Variants in PHF20 observed in about 807,000 individuals in gnomAD.
PHF20 encodes the protein glioma-expressed antigen 2.
A neutral mutation model predicts 113.5 loss-of-function variants in PHF20; 23 were observed. The observed-to-expected ratio is 0.20, with a 90% CI of 0.15 to 0.29. The LOEUF is 0.29. Among genes scored for constraint, PHF20 ranks in the 10% least tolerant of loss-of-function variants. The pLI is 1.00. For missense variants in PHF20, 943 were observed against 1,219.6 expected (o/e 0.77, Z 3.38); for synonymous variants, 434 against 457.3 (o/e 0.95, Z 0.65).
intron 10 of PHF20, among the ~76,000 whole-genome samples, chr20:35,903,077 C>CTTTTTTTTT (rs376888832): frequency 1.7e-5 from 1 of 60,002 alleles, no homozygotes; most frequent in East Asian, 4.5e-4. Context: ...CCTATCCTTT[C>CTTTTTTTTT]TTTTTTTTTT....
In PHF20 at chr20:35,871,623, C is replaced by T. The variant is rs1198574378; in HGVS notation, c.1103-27C>T. The T allele has an allele frequency of 2.6e-6, 4 of 1,564,896 alleles. No individual in the cohort carries two copies. The African/African-American group carries it at 4.1e-5, about 16-fold the overall frequency. ...TTCAGAATTACATACATGTATATTT[C>T]CCCCAAACTTTCTTTTTTTCTTCTA... On this transcript the variant is annotated intron_variant, in intron 8 of 17. Transcript: ENST00000374012.
intron 1 of PHF20, among the ~76,000 whole-genome samples, chr20:35,787,934 C>T (rs948625009): frequency 6.6e-6 from 1 of 151,780 alleles, no homozygotes; most frequent in Admixed American, 6.6e-5. Context: ...CTTGGCACCA[C>T]ACCCGGCTAA....
intron 4 of PHF20, chr20:35,850,721 G>A (rs1028856483): frequency 1.1e-5 from 5 of 452,582 alleles, no homozygotes; most frequent in Admixed American, 5.5e-5. Context: ...CAGGGGATGG[G>A]TTCCATTCTA....
intron 9 of PHF20, among the ~76,000 whole-genome samples, chr20:35,875,554 C>T (rs762254611): frequency 1.3e-5 from 2 of 152,058 alleles, no homozygotes; most frequent in Non-Finnish European, 2.9e-5. Context: ...TTTTGCTACT[C>T]CTCCTCTTAG....
chr20:35,943,305 C>T (rs994086726), intron 17 of PHF20, among the ~76,000 whole-genome samples: 19 of 151,796 alleles, frequency 1.3e-4, no homozygotes, highest in African/African-American at 4.6e-4. Context: ...TATCACTGCA[C>T]TCCAGACTGG....
At chr20:35,892,400 G>A (rs536251992) in intron 9 of PHF20, among the ~76,000 whole-genome samples, 43 of 151,548 alleles carry the variant, frequency 2.8e-4, no homozygotes, top group Admixed American at 2.6e-3. Flanking sequence ...GTAGAGATGG[G>A]GTTTCACCAT....
chr20:35,856,702 G>A (rs1318254834), intron 4 of PHF20, among the ~76,000 whole-genome samples: 2 of 152,204 alleles, frequency 1.3e-5, no homozygotes, highest in Non-Finnish European at 2.9e-5. Context: ...TAGCTGAAAA[G>A]CCCGGAAGCT....
chr20:35,920,108 C>T (rs2055483575), intron 13 of PHF20, among the ~76,000 whole-genome samples: 1 of 152,192 alleles, frequency 6.6e-6, no homozygotes, highest in South Asian at 2.1e-4. Context: ...CATGAGATTC[C>T]CTCCTGGTAC....
intron 16 of PHF20, among the ~76,000 whole-genome samples, chr20:35,940,283 C>G (rs1427873691): frequency 6.6e-6 from 1 of 152,036 alleles, no homozygotes; most frequent in Admixed American, 6.6e-5. Context: ...AAAACAAAGC[C>G]AGGAAATACT....
chr20:35,791,541 A>G (rs1012141104), intron 1 of PHF20, among the ~76,000 whole-genome samples: 4 of 141,740 alleles, frequency 2.8e-5, no homozygotes, highest in East Asian at 2.0e-4. Flanking sequence ...AATAGTGTAT[A>G]TATATATATA....
chr20:35,784,154 A>G (rs2041360260), intron 1 of PHF20, among the ~76,000 whole-genome samples: 1 of 146,178 alleles, frequency 6.8e-6, no homozygotes, highest in South Asian at 2.5e-4. Flanking sequence ...CCAGGGTTCA[A>G]GCGATTCTCC....
At position 35,819,648 on chromosome 20, in the gene PHF20, C is replaced by CTGTGTG. The variant is rs57252834; in HGVS notation, c.83+18067_83+18072dup. Reference sequence around the variant, plus strand: ...CATACCTCTTTACTCCTTACACCATCTGTGTGTGTGTGTGTGTGTGTGTGT... The same window carrying CTGTGTG: ...CATACCTCTTTACTCCTTACACCATCTGTGTGTGTGTGTGTGTGTGTGTGTGTGTGT... On this transcript the variant is annotated intron_variant, in intron 2 of 17. Transcript: ENST00000374012. 3.9e-4 allele frequency among the ~76,000 whole-genome samples: 58 copies of CTGTGTG among 147,980 alleles called. 1 individual carries two copies. Among genetic ancestry groups the CTGTGTG allele is most frequent in the African/African-American group, 1.2e-3 (49 of 40,428 alleles).
At chr20:35,945,346 C>T (rs1222026085) in intron 17 of PHF20, among the ~76,000 whole-genome samples, 2 of 152,124 alleles carry the variant, frequency 1.3e-5, no homozygotes, top group Admixed American at 1.3e-4. Flanking sequence ...AACAAATCAT[C>T]CCATTACCTG....
At position 35,914,145 on chromosome 20, in the gene PHF20, G is replaced by C. The variant is rs369617704; in HGVS notation, c.1773G>C (p.Pro591=). 6.2e-7 allele frequency: 1 copy of C among 1,614,128 alleles called. No homozygotes were observed. Among genetic ancestry groups the C allele is most frequent in the African/African-American group, 1.3e-5 (1 of 75,038 alleles). The stretch of plus-strand genomic sequence containing the variant: ...ACAAGCCAGGGGTCCATATGAGCCC[G>C]CAGCTTCATGGCCCAGAATCTGGAC... ...SSHKPGVHMS[P]QLHGPESGHH... is the part of the protein sequence containing the mutation. Residue 591 remains proline, a synonymous_variant, in exon 12 of 18, where the codon CCG becomes CCC. Transcript: ENST00000374012.
At chr20:35,890,287 C>T (rs2054825175) in intron 9 of PHF20, among the ~76,000 whole-genome samples, 1 of 152,172 alleles carries the variant, frequency 6.6e-6, no homozygotes, top group Non-Finnish European at 1.5e-5. Context: ...ACCTTGGCCT[C>T]CCAAAGTGCT....
At chr20:35,816,924 G>GCAA (rs2042086281) in intron 2 of PHF20, among the ~76,000 whole-genome samples, 1 of 149,756 alleles carries the variant, frequency 6.7e-6, no homozygotes, top group Admixed American at 6.7e-5. Context: ...CGTGAGTAGT[G>GCAA]GGATTACAGG....
intron 2 of PHF20, among the ~76,000 whole-genome samples, chr20:35,811,378 A>G (rs981191471): frequency 4.0e-5 from 6 of 151,094 alleles, no homozygotes; most frequent in Non-Finnish European, 8.8e-5. Context: ...TGTCCTTGTG[A>G]CTTCTTGCCT....
intron 9 of PHF20, among the ~76,000 whole-genome samples, chr20:35,877,623 G>C (rs2054555779): frequency 6.7e-6 from 1 of 148,274 alleles, no homozygotes; most frequent in Non-Finnish European, 1.5e-5. Flanking sequence ...TTTTGCCCAC[G>C]CTGTAGTACA....
At chr20:35,816,032 C>T (rs2042067084) in intron 2 of PHF20, among the ~76,000 whole-genome samples, 1 of 152,140 alleles carries the variant, frequency 6.6e-6, no homozygotes, top group African/African-American at 2.4e-5. Flanking sequence ...TCTCAGCTCA[C>T]AGCAACCTCC....
Sources: gnomAD v4.1 joint callset for allele counts (sites outside exome capture counted in the v4.1 genomes callset) on GRCh38, gnomAD v4.1.1 for gene constraint, MANE v1.5 for transcripts, NCBI Gene and HGNC (gene_info 2026-07-23, HGNC 2026-07-21) for gene names.